DGKB: variants seen among roughly 807,000 people sequenced by gnomAD.
The protein encoded by DGKB is 90 kDa diacylglycerol kinase.
DGKB carries 67 observed loss-of-function variants against 114.3 expected under a neutral mutation model. The ratio of observed to expected loss-of-function variants is 0.59; its 90% CI spans 0.48 to 0.72. DGKB has a LOEUF of 0.72. Ranked by LOEUF, DGKB falls within the 30% of genes least tolerant of loss-of-function variation. DGKB has a pLI of 0.00. For missense variants in DGKB, 907 were observed against 975.2 expected, an observed-to-expected ratio of 0.93 and a Z score of 0.93; for synonymous variants, 398 against 323.1, an observed-to-expected ratio of 1.23 and a Z score of -2.49.
chr7:14,576,648 T>A (rs771655414), intron 19 of DGKB, among the ~76,000 whole-genome samples: 113 of 152,276 alleles, frequency 7.4e-4, no homozygotes, highest in Non-Finnish European at 1.3e-3. Flanking sequence ...TTCTCAGTCA[T>A]GTCTCAGGTT....
intron 1 of DGKB, among the ~76,000 whole-genome samples, chr7:14,861,864 T>C (rs1167803951): frequency 6.6e-6 from 1 of 152,020 alleles, no homozygotes; most frequent in Non-Finnish European, 1.5e-5. Context: ...TCTTCTACTG[T>C]TGAAGGGCAT....
chr7:14,254,890 T>C (rs1333838498), intron 23 of DGKB, among the ~76,000 whole-genome samples: 1 of 152,182 alleles, frequency 6.6e-6, no homozygotes, highest in East Asian at 1.9e-4. Context: ...TTACCATGAG[T>C]ATTCACAAAT....
At chr7:14,678,557 A>G (rs1474091487) in intron 12 of DGKB, among the ~76,000 whole-genome samples, 1 of 152,022 alleles carries the variant, frequency 6.6e-6, no homozygotes, top group Non-Finnish European at 1.5e-5. Context: ...AATATTATAT[A>G]CAGTTATGTT....
chr7:14,235,619 T>C (rs1226766167), intron 23 of DGKB, among the ~76,000 whole-genome samples: 1 of 152,114 alleles, frequency 6.6e-6, no homozygotes, highest in African/African-American at 2.4e-5. Context: ...GCATATTGTT[T>C]ATAATATTTG....
chr7:14,621,303 C>G lies in DGKB; in HGVS notation c.1284+75G>C, dbSNP rs960886084. Reference sequence around the variant, plus strand: ...GCAGATTAAACAAATGTGTTGATAGCTGAACATATGCCCCTTTAGAGCCTA... The same window carrying G: ...GCAGATTAAACAAATGTGTTGATAGGTGAACATATGCCCCTTTAGAGCCTA... On this transcript the variant is annotated intron_variant, in intron 15 of 25. Transcript: ENST00000402815. 6.0e-5 allele frequency: 49 copies of G among 820,116 alleles called. No homozygotes were observed. In the Admixed American group the frequency reaches 1.1e-3, roughly 18 times the overall value. The allele number at this position is 820,116 out of a possible 1,614,324, so 50.8% of individuals were successfully genotyped here.
chr7:14,552,889 C>T (rs1415528701), intron 20 of DGKB, among the ~76,000 whole-genome samples: 2 of 152,120 alleles, frequency 1.3e-5, no homozygotes, highest in South Asian at 2.1e-4. Flanking sequence ...GCAGGGTCAG[C>T]GTTGTTATGG....
In DGKB at chr7:14,919,095, A is replaced by ACAC. The variant is rs1554345122; in HGVS notation, c.-188+55600_-188+55601insGTG. Among the ~76,000 whole-genome samples, 9 of 114,970 alleles carry ACAC rather than the reference A, an allele frequency of 7.8e-5. No homozygotes were observed. The East Asian group carries it at 1.3e-3, about 16-fold the overall frequency. The allele number at this position is 114,970 out of a possible 152,430, so 75.4% of individuals were successfully genotyped here. On this transcript the variant is annotated intron_variant, in intron 1 of 4. Coordinates refer to the DGKB transcript ENST00000437998. Reference sequence around the variant, plus strand: ...ACACACACACACACACACACACACAAACACACACACACACACACACACACA... The same window carrying ACAC: ...ACACACACACACACACACACACACAACACACACACACACACACACACACACACA...
chr7:14,450,294 A>G (rs1383202894), intron 21 of DGKB, among the ~76,000 whole-genome samples: 1 of 152,142 alleles, frequency 6.6e-6, no homozygotes, highest in Non-Finnish European at 1.5e-5. Flanking sequence ...TAATCTAAAG[A>G]CATGTATCTT....
chr7:14,758,928 G>GATAGATACATAGATACATAGATAC (rs1554262149), intron 2 of DGKB, among the ~76,000 whole-genome samples: 6 of 146,842 alleles, frequency 4.1e-5, no homozygotes, highest in African/African-American at 1.3e-4. Context: ...TAGATAGATA[G>GATAGATACATAGATACATAGATAC]ATAGATACAT....
intron 2 of DGKB, among the ~76,000 whole-genome samples, chr7:14,778,575 A>AT (rs946694016): frequency 6.6e-6 from 1 of 152,130 alleles, no homozygotes; most frequent in African/African-American, 2.4e-5. Flanking sequence ...CAGTTGCTTG[A>AT]TTTTTTAGAA....
chr7:14,778,108 T>C (rs549225732), intron 2 of DGKB, among the ~76,000 whole-genome samples: 167 of 152,324 alleles, frequency 1.1e-3, no homozygotes, highest in African/African-American at 3.8e-3. Context: ...AGTAGAGTGA[T>C]TACTGAACAC....
intron 21 of DGKB, among the ~76,000 whole-genome samples, chr7:14,390,873 C>T (rs1821206180): frequency 1.3e-5 from 2 of 152,086 alleles, no homozygotes; most frequent in Admixed American, 6.5e-5. Context: ...AACATATACT[C>T]ATTTAGGAAT....
rs1366557890 is a variant in DGKB at position 14,187,351 on chromosome 7, C to A, written c.2123-9200G>T. Among the ~76,000 whole-genome samples the A allele has an allele frequency of 6.6e-5, 10 of 152,080 alleles. No homozygotes were observed. In the South Asian group the frequency reaches 1.2e-3, roughly 19 times the overall value. The stretch of plus-strand genomic sequence containing the variant: ...ACAGGCCTGCTTGGCATCACCACAC[C>A]TGCACACACCTGAGCCCAGCCTGAC... On this transcript the variant is annotated intron_variant, in intron 23 of 25. Transcript: ENST00000402815.
intron 23 of DGKB, among the ~76,000 whole-genome samples, chr7:14,231,110 TC>T (rs1791724635): frequency 7.9e-6 from 1 of 126,910 alleles, no homozygotes; most frequent in Non-Finnish European, 1.7e-5. Flanking sequence ...TTTCTTTCTT[TC>T]TTTCTTTCTT....
At chr7:14,280,692 T>A (rs1199412907) in intron 23 of DGKB, among the ~76,000 whole-genome samples, 1 of 149,874 alleles carries the variant, frequency 6.7e-6, no homozygotes, top group African/African-American at 2.5e-5. Flanking sequence ...CAGAAGAGAG[T>A]GGGGGCCAAT....
chr7:14,791,353 G>A (rs1217607695), intron 2 of DGKB, among the ~76,000 whole-genome samples: 2 of 152,136 alleles, frequency 1.3e-5, no homozygotes, highest in Non-Finnish European at 2.9e-5. Flanking sequence ...AAATAATCAT[G>A]TCATCTGTAA....
chr7:14,955,624 C>A (rs536833402), intron 1 of DGKB, among the ~76,000 whole-genome samples: 34 of 152,026 alleles, frequency 2.2e-4, no homozygotes, highest in African/African-American at 7.5e-4. Context: ...CAACAAGATG[C>A]TGGAAGGAAA....
At chr7:14,903,561 T>A (rs1024571644), upstream of DGKB, among the ~76,000 whole-genome samples, 7 of 152,110 alleles carry the variant, frequency 4.6e-5, no homozygotes, top group African/African-American at 1.7e-4. Flanking sequence ...GGTGGGTCAT[T>A]GTTCAGCAAC....
intron 13 of DGKB, among the ~76,000 whole-genome samples, chr7:14,663,701 ACTTCCTTC>A (rs1295233363): frequency 4.4e-5 from 3 of 68,190 alleles, no homozygotes; most frequent in Non-Finnish European, 8.3e-5. Context: ...CCCTTCCCTC[ACTTCCTTC>A]CTTCCTTCCT....
Sources: allele counts gnomAD v4.1 joint callset (sites outside exome capture counted in the v4.1 genomes callset), GRCh38; gene constraint gnomAD v4.1.1; transcripts MANE v1.5; gene names NCBI Gene and HGNC (gene_info 2026-07-23, HGNC 2026-07-21).